The following PLLP variants were observed in gnomAD, a reference collection of about 807,000 sequenced individuals.
PLLP encodes plasmolipin.
Under a neutral mutation model 19.7 loss-of-function variants are expected in PLLP, and 15 were observed. That is an observed-to-expected ratio of 0.76 (90% CI 0.51 to 1.17). The LOEUF (loss-of-function observed/expected upper bound fraction) is 1.17. PLLP is among the 50% of genes most tolerant of loss of function. The pLI is 0.00. For synonymous variants in PLLP, 111 were observed against 116.3 expected (o/e 0.95, Z 0.29); for missense variants, 255 against 258.3 (o/e 0.99, Z 0.09).
chr16:57,267,599 C>T (rs562871915), intron 1 of PLLP, among the ~76,000 whole-genome samples: 1 of 150,146 alleles, frequency 6.7e-6, no homozygotes, highest in Non-Finnish European at 1.5e-5. Flanking sequence ...AAAACAAGGC[C>T]TGGCATGGTG....
chr16:57,267,871 G>A (rs538302675), intron 1 of PLLP, among the ~76,000 whole-genome samples: 25 of 134,690 alleles, frequency 1.9e-4, no homozygotes, highest in South Asian at 5.5e-4. Context: ...GCGAAACTCC[G>A]TCTCAAAAAA....
Position 57,281,791 on chromosome 16 carries a change from G to A in PLLP, c.135+2615C>T, listed in dbSNP as rs565876935. Reference sequence around the variant, plus strand: ...CTCCCAAAGTGCTGGGATTACAGGCGTGAGCCACCACACCTGGCCCCAACA... The same window carrying A: ...CTCCCAAAGTGCTGGGATTACAGGCATGAGCCACCACACCTGGCCCCAACA... On this transcript the variant is annotated intron_variant, in intron 1 of 3. Coordinates refer to ENST00000219207, the MANE Select transcript of PLLP (RefSeq NM_015993.3). 7.2e-5 allele frequency among the ~76,000 whole-genome samples: 11 copies of A among 152,114 alleles called. 1 individual carries two copies. The East Asian group carries it at 1.9e-3, about 27-fold the overall frequency.
Position 57,256,681 on chromosome 16 carries a change from G to A in PLLP, c.*232C>T, listed in dbSNP as rs1057039405. 1 of 537,152 alleles carries A rather than the reference G, an allele frequency of 1.9e-6. No homozygotes were observed. Among genetic ancestry groups the A allele is most frequent in the Non-Finnish European group, 3.3e-6 (1 of 298,838 alleles). 33.3% of individuals were successfully genotyped at this position (537,152 alleles called of 1,614,324 possible). ...CCCCCGTCATCTTCCACTGAATAAG[G>A]GGGATGGAGAAGAGGTCTCAGCAGT... On this transcript the variant is annotated 3_prime_UTR_variant, in exon 4 of 4. Coordinates refer to ENST00000219207, the MANE Select transcript of PLLP (RefSeq NM_015993.3).
At position 57,275,613 on chromosome 16, in the gene PLLP, A is replaced by C. The variant is rs1411839935; in HGVS notation, c.135+8793T>G. Among the ~76,000 whole-genome samples, 189 of 149,188 alleles carry C rather than the reference A, an allele frequency of 1.3e-3. 1 individual carries two copies. Among genetic ancestry groups the C allele is most frequent in the Admixed American group, 5.9e-3 (87 of 14,794 alleles). On this transcript the variant is annotated intron_variant, in intron 1 of 3. Coordinates refer to ENST00000219207, the MANE Select transcript of PLLP (RefSeq NM_015993.3). ...AATAAAGAAATTCAGCAAAAAAAAA[A>C]AAAACACTACAACAAAATTTTGCAA...
At chr16:57,268,348 G>A (rs2075464091) in intron 1 of PLLP, among the ~76,000 whole-genome samples, 2 of 152,180 alleles carry the variant, frequency 1.3e-5, no homozygotes, top group African/African-American at 4.8e-5. Flanking sequence ...CTGTTGGAGG[G>A]GTGGCCTATC....
At chr16:57,284,375 G>A in intron 1 of PLLP, 31 bp downstream of exon 1, 1 of 1,345,462 alleles carries the variant, frequency 7.4e-7, no homozygotes, top group Non-Finnish European at 9.5e-7. Context: ...GGAGCCCCCG[G>A]CCAACCCCGT....
chr16:57,263,375 G>T (rs1199128338), intron 1 of PLLP: 1 of 152,320 alleles, frequency 6.6e-6, no homozygotes, highest in Non-Finnish European at 1.5e-5. Flanking sequence ...CTTCGATCCC[G>T]GCTCTCCTTA....
chr16:57,262,106 T>C, intron 1 of PLLP, 36 bp from the exon 2 acceptor site: 1 of 1,604,692 alleles, frequency 6.2e-7, no homozygotes, highest in Admixed American at 1.7e-5. Flanking sequence ...TGGCCAGAGA[T>C]GCGGTTTCAT....
At chr16:57,272,663 G>A (rs1259993953) in intron 1 of PLLP, among the ~76,000 whole-genome samples, 2 of 152,140 alleles carry the variant, frequency 1.3e-5, no homozygotes, top group East Asian at 3.9e-4. Context: ...TCAAGGAGGG[G>A]CCCATTGGCA....
At chr16:57,265,422 A>C (rs1445744528) in intron 1 of PLLP, among the ~76,000 whole-genome samples, 2 of 152,250 alleles carry the variant, frequency 1.3e-5, no homozygotes, top group Non-Finnish European at 2.9e-5. Context: ...TTTCATTTAA[A>C]GCCAATTCCT....
intron 1 of PLLP, among the ~76,000 whole-genome samples, chr16:57,283,834 G>A (rs928672644): frequency 5.9e-5 from 9 of 152,182 alleles, no homozygotes; most frequent in African/African-American, 2.2e-4. Context: ...GCGCCCACAG[G>A]GTAGTGCCTG....
intron 1 of PLLP, among the ~76,000 whole-genome samples, chr16:57,283,840 G>A (rs1300198103): frequency 6.6e-6 from 1 of 152,200 alleles, no homozygotes; most frequent in Admixed American, 6.5e-5. Flanking sequence ...ACAGGGTAGT[G>A]CCTGAGTGTG....
At chr16:57,274,162 G>A (rs1901118763) in intron 1 of PLLP, among the ~76,000 whole-genome samples, 1 of 151,760 alleles carries the variant, frequency 6.6e-6, no homozygotes, top group Non-Finnish European at 1.5e-5. Context: ...TTTTAAATTT[G>A]TATAGAGACA....
rs1331941880 is a variant in PLLP at position 57,261,881 on chromosome 16, C to G, written c.309+16G>C. ...GTCCTGTCATAGCCACTTCCAGTACCCCCACCCAGACTCACCACCAGTGGC... is the reference window on the plus strand; with the variant it reads ...GTCCTGTCATAGCCACTTCCAGTACGCCCACCCAGACTCACCACCAGTGGC... On this transcript the variant is annotated intron_variant, in intron 2 of 3. Coordinates refer to ENST00000219207, the MANE Select transcript of PLLP (RefSeq NM_015993.3). 6.2e-7 allele frequency: 1 copy of G among 1,612,216 alleles called. No homozygotes were observed. Among genetic ancestry groups the G allele is most frequent in the Non-Finnish European group, 8.5e-7 (1 of 1,178,326 alleles).
At chr16:57,268,826 T>C (rs2075465530) in intron 1 of PLLP, among the ~76,000 whole-genome samples, 1 of 152,174 alleles carries the variant, frequency 6.6e-6, no homozygotes, top group Non-Finnish European at 1.5e-5. Context: ...ATGATCACCC[T>C]GAGGGGTTAA....
intron 1 of PLLP, among the ~76,000 whole-genome samples, chr16:57,282,199 CT>C (rs1901228082): frequency 6.6e-6 from 1 of 151,204 alleles, no homozygotes; most frequent in African/African-American, 2.4e-5. Context: ...CCTATTGCCC[CT>C]ATTGCTAGTC....
chr16:57,266,279 G>C (rs78711281), intron 1 of PLLP, among the ~76,000 whole-genome samples: 6,859 of 152,206 alleles, frequency 0.045, 418 homozygotes, highest in South Asian at 0.27. Flanking sequence ...GAAGCCGGTG[G>C]ATAAGGACTG....
At chr16:57,263,660 A>T (rs1780235950) in intron 1 of PLLP, among the ~76,000 whole-genome samples, 2 of 152,110 alleles carry the variant, frequency 1.3e-5, no homozygotes, top group South Asian at 2.1e-4. Flanking sequence ...GGGCCCAGGG[A>T]GCTCGTGGAG....
chr16:57,283,935 G>T (rs1597967756), intron 1 of PLLP, among the ~76,000 whole-genome samples: 1 of 152,348 alleles, frequency 6.6e-6, no homozygotes, highest in Non-Finnish European at 1.5e-5. Context: ...GAGCGGGACA[G>T]AAGGTGGTCA....
Sources: gnomAD v4.1 joint callset for allele counts (sites outside exome capture counted in the v4.1 genomes callset) on GRCh38, gnomAD v4.1.1 for gene constraint, MANE v1.5 for transcripts, NCBI Gene and HGNC (gene_info 2026-07-23, HGNC 2026-07-21) for gene names.